Variants in ZC3H12B observed in about 807,000 individuals in gnomAD.
The protein encoded by ZC3H12B is zinc finger CCCH-type containing 12B, also known as probable ribonuclease ZC3H12B.
In ZC3H12B, 7 loss-of-function variants were observed where a neutral mutation model predicts 43.9. The ratio of observed to expected loss-of-function variants is 0.16; its 90% CI spans 0.09 to 0.30. The LOEUF (loss-of-function observed/expected upper bound fraction) is 0.30. Among genes scored for constraint, ZC3H12B ranks in the 10% least tolerant of loss-of-function variants. The probability of loss-of-function intolerance (pLI) is 1.00; values close to 1 mark genes in which losing one functional copy is unlikely to be tolerated. For missense variants in ZC3H12B, 475 were observed against 670.2 expected (o/e 0.71, Z 3.22); for synonymous variants, 222 against 241.7 (o/e 0.92, Z 0.76).
the ZC3H12B span, among the ~76,000 whole-genome samples, chrX:65,246,019 G>A: frequency 1.8e-5 from 2 of 111,503 alleles, no homozygotes; most frequent in Admixed American, 9.5e-5. Flanking sequence ...AAACTTCATA[G>A]CTTTCTCCCA....
the ZC3H12B span, among the ~76,000 whole-genome samples, chrX:65,084,300 A>G: frequency 8.9e-6 from 1 of 112,019 alleles, no homozygotes; most frequent in Admixed American, 9.5e-5. Flanking sequence ...AAAGGATACA[A>G]CCAACAAAGT....
At chrX:65,453,098 A>T (rs1172843661) in intron 3 of ZC3H12B, among the ~76,000 whole-genome samples, 1 of 108,366 alleles carries the variant, frequency 9.2e-6, no homozygotes, top group Non-Finnish European at 1.9e-5. Flanking sequence ...ATCTGACTTC[A>T]AATTATACCA....
the ZC3H12B span, among the ~76,000 whole-genome samples, chrX:65,132,817 C>T: frequency 2.7e-5 from 3 of 110,823 alleles, 1 homozygote; most frequent in South Asian, 7.7e-4. Context: ...AAGAAGGGGA[C>T]GGACTTACCC....
chrX:65,129,323 G>C, the ZC3H12B span, among the ~76,000 whole-genome samples: 1 of 108,292 alleles, frequency 9.2e-6, no homozygotes, highest in Non-Finnish European at 1.9e-5. Context: ...CGTGTGAAGA[G>C]ACCACCAAAC....
chrX:65,161,441 T>C, the ZC3H12B span, among the ~76,000 whole-genome samples: 1 of 111,918 alleles, frequency 8.9e-6, no homozygotes, highest in Non-Finnish European at 1.9e-5. Context: ...TGAATCTGGG[T>C]GCTCCTGTAT....
At chrX:65,460,403 G>C (rs1602484914) in intron 3 of ZC3H12B, among the ~76,000 whole-genome samples, 1 of 111,832 alleles carries the variant, frequency 8.9e-6, no homozygotes, top group African/African-American at 3.3e-5. Context: ...ATTGCCAAGT[G>C]AATCCTAAAC....
chrX:65,330,439 A>G, the ZC3H12B span, among the ~76,000 whole-genome samples: 1 of 111,012 alleles, frequency 9.0e-6, no homozygotes, highest in South Asian at 3.8e-4. Flanking sequence ...TTCCAACACT[A>G]TGTTGAATAG....
exon 5 of ZC3H12B, chrX:65,504,712 T>C (rs2068408635): frequency 8.9e-6 from 1 of 112,940 alleles, no homozygotes; most frequent in Admixed American, 9.4e-5. Context: ...TTTGGACTTC[T>C]GACCTATGCA....
chrX:65,130,250 A>G, the ZC3H12B span, among the ~76,000 whole-genome samples: 1 of 111,231 alleles, frequency 9.0e-6, no homozygotes, highest in African/African-American at 3.3e-5. Flanking sequence ...GAATACCAAG[A>G]GCCTGAGAAA....
At chrX:65,058,215 A>G in the ZC3H12B span, among the ~76,000 whole-genome samples, 2 of 110,707 alleles carry the variant, frequency 1.8e-5, no homozygotes, top group Admixed American at 1.9e-4. Flanking sequence ...TTGTGGTTTT[A>G]TCTACCTTTG....
At chrX:65,165,026 A>G in the ZC3H12B span, among the ~76,000 whole-genome samples, 1 of 112,122 alleles carries the variant, frequency 8.9e-6, no homozygotes, top group East Asian at 2.8e-4. Flanking sequence ...TAGAGAACAT[A>G]GAGAAAATGA....
the ZC3H12B span, among the ~76,000 whole-genome samples, chrX:65,261,073 A>G: frequency 1.8e-5 from 2 of 112,086 alleles, no homozygotes; most frequent in African/African-American, 3.2e-5. Context: ...TAAAACATAT[A>G]AAGTAAATTC....
At chrX:65,464,921 T>C (rs1225558375) in intron 3 of ZC3H12B, among the ~76,000 whole-genome samples, 1 of 111,599 alleles carries the variant, frequency 9.0e-6, no homozygotes, top group African/African-American at 3.2e-5. Context: ...TTTCATGTTT[T>C]TGAATTTTGC....
At chrX:65,154,911 A>T in the ZC3H12B span, among the ~76,000 whole-genome samples, 6 of 111,583 alleles carry the variant, frequency 5.4e-5, no homozygotes, top group Admixed American at 9.6e-5. Context: ...TAGGGTTTTT[A>T]AATGGTTATT....
chrX:65,063,781 T>A, the ZC3H12B span, among the ~76,000 whole-genome samples: 1 of 112,012 alleles, frequency 8.9e-6, no homozygotes, highest in Non-Finnish European at 1.9e-5. Context: ...TGAATCCCTC[T>A]GGAGCTTGGC....
the ZC3H12B span, among the ~76,000 whole-genome samples, chrX:65,221,011 A>C: frequency 8.9e-6 from 1 of 111,992 alleles, no homozygotes; most frequent in Non-Finnish European, 1.9e-5. Context: ...CTTTCAGACC[A>C]CAGTGGAATA....
chrX:65,360,579 C>T, the ZC3H12B span, among the ~76,000 whole-genome samples: 1 of 111,860 alleles, frequency 8.9e-6, no homozygotes, highest in African/African-American at 3.2e-5. Flanking sequence ...AATTAGAACT[C>T]CTACAAACGC....
chrX:65,449,818 T>C (rs2067444592), intron 3 of ZC3H12B, among the ~76,000 whole-genome samples: 1 of 110,296 alleles, frequency 9.1e-6, no homozygotes, highest in South Asian at 3.9e-4. Flanking sequence ...CACAAAGGCA[T>C]ATGGAGTGAT....
At chrX:65,418,397 G>A (rs2066983859) in intron 3 of ZC3H12B, among the ~76,000 whole-genome samples, 1 of 111,690 alleles carries the variant, frequency 9.0e-6, no homozygotes, top group Admixed American at 9.5e-5. Context: ...CACTTTAAAT[G>A]AGTATTCTTG....
Sources: gnomAD v4.1 joint callset for allele counts (sites outside exome capture counted in the v4.1 genomes callset) on GRCh38, gnomAD v4.1.1 for gene constraint, MANE v1.5 for transcripts, NCBI Gene and HGNC (gene_info 2026-07-23, HGNC 2026-07-21) for gene names.